TEAD2: variants seen among roughly 807,000 people sequenced by gnomAD.
TEAD2 encodes TEA domain transcription factor 2, also known as transcriptional enhancer factor TEF-4.
A neutral mutation model predicts 61.4 loss-of-function variants in TEAD2; 51 were observed. The ratio of observed to expected loss-of-function variants is 0.83; its 90% CI spans 0.66 to 1.05. The LOEUF (loss-of-function observed/expected upper bound fraction) is 1.05. TEAD2 is among the 50% of genes least tolerant of loss of function. The probability of loss-of-function intolerance (pLI) is 0.00; values close to 1 mark genes in which losing one functional copy is unlikely to be tolerated. For synonymous variants in TEAD2, 244 were observed against 243.2 expected (o/e 1.00, Z -0.03); for missense variants, 509 against 600.0 (o/e 0.85, Z 1.58).
intron 8 of TEAD2, among the ~76,000 whole-genome samples, chr19:49,349,763 T>G (rs991508958): frequency 1.4e-4 from 22 of 152,126 alleles, no homozygotes; most frequent in Non-Finnish European, 1.5e-5. Context: ...TGCAGAACTG[T>G]GAACCAAATA....
At chr19:49,354,697 G>A (rs978355553) in intron 7 of TEAD2, among the ~76,000 whole-genome samples, 7 of 151,344 alleles carry the variant, frequency 4.6e-5, no homozygotes, top group African/African-American at 1.7e-4. Flanking sequence ...CTACCCTCAG[G>A]TCCAAGAACC....
At chr19:49,348,667 A>C (rs1361525783) in intron 9 of TEAD2, 36 bp downstream of exon 9, 6 of 1,581,222 alleles carry the variant, frequency 3.8e-6, no homozygotes, top group Non-Finnish European at 5.2e-6. Flanking sequence ...TCTATATTTC[A>C]AAATCCCTCA....
Position 49,343,286 on chromosome 19 carries a change from A to G in TEAD2, c.1034T>C (p.Leu345Pro). 1 of 1,613,936 alleles carries G rather than the reference A, an allele frequency of 6.2e-7. No individual in the cohort carries two copies. The highest frequency in any genetic ancestry group is 2.2e-5 in the East Asian group (1 of 44,870). The change falls in exon 11 of 13, where the codon CTC (leucine) becomes CCC (proline). Residue 345 changes from leucine (L) to proline (P), a missense_variant. Leu to Pro is a moderately conservative substitution (Grantham distance 98). Coordinates refer to ENST00000593945, the MANE Select transcript of TEAD2 (RefSeq NM_001256660.2). ...SQYESLEHMT[L>P]TCSSKVCSFG... Reference sequence around the variant, plus strand: ...AGAGCAGACCTTGGAGGAACAGGTGAGGGTCATGTGTTCCAGGCTCTCATA... The same window carrying G: ...AGAGCAGACCTTGGAGGAACAGGTGGGGGTCATGTGTTCCAGGCTCTCATA...
In TEAD2 at chr19:49,355,945, G is replaced by A; in HGVS notation, c.372+14C>T. On this transcript the variant is annotated intron_variant, in intron 5 of 12. Coordinates refer to ENST00000593945, the MANE Select transcript of TEAD2 (RefSeq NM_001256660.2). Reference sequence around the variant, plus strand: ...GGAGTGAGCGTGGGTGGGAGGATGGGCAGAGGAACTTACCACGTTCAGAGC... The same window carrying A: ...GGAGTGAGCGTGGGTGGGAGGATGGACAGAGGAACTTACCACGTTCAGAGC... The A allele has an allele frequency of 7.9e-7, 1 of 1,265,566 alleles. No individual in the cohort carries two copies. The highest frequency in any genetic ancestry group is 3.2e-5 in the South Asian group (1 of 31,616). 78.4% of individuals were successfully genotyped at this position (1,265,566 alleles called of 1,614,324 possible).
At chr19:49,357,548 GCT>G in intron 3 of TEAD2, 3 of 585,606 alleles carry the variant, frequency 5.1e-6, no homozygotes, top group Non-Finnish European at 9.2e-6. Flanking sequence ...CCTCCACCAT[GCT>G]CTCTCTGTGG....
intron 7 of TEAD2, among the ~76,000 whole-genome samples, chr19:49,353,117 G>A (rs1478536151): frequency 6.8e-6 from 1 of 146,728 alleles, no homozygotes; most frequent in Non-Finnish European, 1.5e-5. Flanking sequence ...TTTTTCCTTT[G>A]AGATAGAGTC....
chr19:49,357,496 C>T, intron 3 of TEAD2, 182 bp from the exon 4 acceptor site: 1 of 662,426 alleles, frequency 1.5e-6, no homozygotes, highest in Non-Finnish European at 2.7e-6. Flanking sequence ...CTCGTGAACA[C>T]CACGGACCCT....
At position 49,348,841 on chromosome 19, in the gene TEAD2, G is replaced by A. The variant is rs374621142; in HGVS notation, c.609C>T (p.Tyr203=). 40 of 1,546,414 alleles carry A rather than the reference G, an allele frequency of 2.6e-5. No homozygotes were observed. In the Middle Eastern group the frequency reaches 5.4e-4, roughly 21 times the overall value. The change falls in exon 9 of 13, where the codon TAC becomes TAT. Residue 203 remains tyrosine, a synonymous_variant. Coordinates refer to ENST00000593945, the MANE Select transcript of TEAD2 (RefSeq NM_001256660.2). ...GGGGTGAGAGGGCTTGGGGGGGCTC[G>A]TACCCTAGAGAGAGAGAAGAAAGAA... ...LTPPSTDLPG[Y]EPPQALSPLP...
At chr19:49,358,340 G>A (rs527966378) in intron 3 of TEAD2, among the ~76,000 whole-genome samples, 6 of 152,298 alleles carry the variant, frequency 3.9e-5, no homozygotes, top group South Asian at 4.1e-4. Context: ...GCTTGAACCC[G>A]GAAGGCGGAG....
At chr19:49,355,924 T>C in intron 5 of TEAD2, 35 bp downstream of exon 5, 2 of 1,264,420 alleles carry the variant, frequency 1.6e-6, no homozygotes, top group Non-Finnish European at 2.0e-6. Context: ...TAGTTTGGAG[T>C]GAGCGTGGGT....
intron 10 of TEAD2, among the ~76,000 whole-genome samples, chr19:49,344,124 G>T (rs944599085): frequency 1.3e-5 from 2 of 152,062 alleles, no homozygotes; most frequent in Non-Finnish European, 2.9e-5. Flanking sequence ...TGGGATTACA[G>T]GCATGAGCCA....
Position 49,359,756 on chromosome 19 carries a change from T to C in TEAD2, c.232+88A>G. ...TCCTCATCTGTGCAAATGGTGATGC[T>C]AGCTCCTACTTCAGAGTGCTCCATA... On this transcript the variant is annotated intron_variant, in intron 2 of 12. Transcript: ENST00000593945. The surrounding 1 kb of genome is among the most constrained non-coding windows in gnomAD (Gnocchi z 4.1). 1.5e-6 allele frequency: 2 copies of C among 1,355,056 alleles called. No individual in the cohort carries two copies. The highest frequency in any genetic ancestry group is 2.1e-6 in the Non-Finnish European group (2 of 967,992). The allele number at this position is 1,355,056 out of a possible 1,614,324, so 83.9% of individuals were successfully genotyped here. A position where few individuals can be genotyped will look rare whatever the true frequency, so the allele number is the denominator to read the frequency against.
chr19:49,341,849 G>T lies in TEAD2; in HGVS notation c.1243-412C>A, dbSNP rs963725814. Among the ~76,000 whole-genome samples the T allele has an allele frequency of 2.0e-5, 3 of 152,030 alleles. No homozygotes were observed. The highest frequency in any genetic ancestry group is 2.9e-5 in the Non-Finnish European group (2 of 68,000). On this transcript the variant is annotated intron_variant, in intron 12 of 12. Coordinates refer to ENST00000593945, the MANE Select transcript of TEAD2 (RefSeq NM_001256660.2). This position sits in a 1 kb window ranked among gnomAD's most constrained non-coding sequence, Gnocchi z 4.2. ...CTTGACAAGCTGAGGATCTGCCTTC[G>T]AGTGCCCTCCAGTCAGCTTCACCAG...
At chr19:49,349,493 G>T (rs1481194785) in intron 8 of TEAD2, among the ~76,000 whole-genome samples, 1 of 151,898 alleles carries the variant, frequency 6.6e-6, no homozygotes, top group African/African-American at 2.4e-5. Flanking sequence ...GATCCCCAAG[G>T]TTGGAGGTGG....
intron 7 of TEAD2, among the ~76,000 whole-genome samples, chr19:49,353,521 CATT>C (rs1224037330): frequency 9.9e-5 from 15 of 152,196 alleles, no homozygotes; most frequent in Non-Finnish European, 5.9e-5. Flanking sequence ...GCACCTCACA[CATT>C]CTTCGATTTT....
In TEAD2 at chr19:49,343,414, G is replaced by A. The variant is rs202210423; in HGVS notation, c.922-16C>T. On this transcript the variant is annotated splice_polypyrimidine_tract_variant and intron_variant, in intron 10 of 12. Transcript: ENST00000593945. ...TCAGGTCCGCCTGGGAGATGGGAAG[G>A]CACAGATGAGTCAGAGGGGACATCC... 1 of 1,593,424 alleles carries A rather than the reference G, an allele frequency of 6.3e-7. No individual in the cohort carries two copies. The highest frequency in any genetic ancestry group is 1.7e-5 in the Admixed American group (1 of 58,182).
chr19:49,341,500 C>T lies in TEAD2; in HGVS notation c.1243-63G>A. On this transcript the variant is annotated intron_variant, in intron 12 of 12. Coordinates refer to ENST00000593945, the MANE Select transcript of TEAD2 (RefSeq NM_001256660.2). This position sits in a 1 kb window ranked among gnomAD's most constrained non-coding sequence, Gnocchi z 4.2. Reference sequence around the variant, plus strand: ...AGGGAGGGCAGGGACCCCTGTGCCCCCCTGCCAAGCTATCATGGAATACCC... The same window carrying T: ...AGGGAGGGCAGGGACCCCTGTGCCCTCCTGCCAAGCTATCATGGAATACCC... 4 of 1,343,314 alleles carry T rather than the reference C, an allele frequency of 3.0e-6. No homozygotes were observed. In the South Asian group the frequency reaches 4.7e-5, roughly 16 times the overall value. 83.2% of individuals were successfully genotyped at this position (1,343,314 alleles called of 1,614,324 possible). A position where few individuals can be genotyped will look rare whatever the true frequency, so the allele number is the denominator to read the frequency against.
At chr19:49,348,270 G>A (rs548088759) in intron 9 of TEAD2, among the ~76,000 whole-genome samples, 1 of 152,192 alleles carries the variant, frequency 6.6e-6, no homozygotes, top group South Asian at 2.1e-4. Context: ...TCTAACAGTC[G>A]GCCCACTCCA....
chr19:49,357,547 T>A lies in TEAD2; in HGVS notation c.298-233A>T, dbSNP rs1429452044. The stretch of plus-strand genomic sequence containing the variant: ...ATCCAGGCCTCCTTCCCCTCCACCA[T>A]GCTCTCTCTGTGGCTACTCTGGGTC... On this transcript the variant is annotated intron_variant, in intron 3 of 12. Transcript: ENST00000593945. 6.8e-6 allele frequency: 4 copies of A among 584,478 alleles called. No homozygotes were observed. In the East Asian group the frequency reaches 1.1e-4, roughly 17 times the overall value. The allele number at this position is 584,478 out of a possible 1,614,324, so 36.2% of individuals were successfully genotyped here.
Sources: allele counts gnomAD v4.1 joint callset (sites outside exome capture counted in the v4.1 genomes callset), GRCh38; gene constraint gnomAD v4.1.1; non-coding constraint Gnocchi (gnomAD v3.1); transcripts MANE v1.5; gene names NCBI Gene and HGNC (gene_info 2026-07-23, HGNC 2026-07-21).